KIAA0825: variants seen among roughly 807,000 people sequenced by gnomAD.
The protein encoded by KIAA0825 is KIAA0825.
A neutral mutation model predicts 147.6 loss-of-function variants in KIAA0825; 119 were observed. The observed-to-expected ratio is 0.81, with a 90% confidence interval of 0.69 to 0.94. The LOEUF is 0.94. KIAA0825 is among the 40% of genes least tolerant of loss of function. The pLI is 0.00. For synonymous variants in KIAA0825, 470 were observed against 518.1 expected, an observed-to-expected ratio of 0.91 and a Z score of 1.26; for missense variants, 1,381 against 1,472.7, an observed-to-expected ratio of 0.94 and a Z score of 1.02.
chr5:94,536,096 G>C (rs544079678), intron 3 of KIAA0825, among the ~76,000 whole-genome samples: 1 of 152,264 alleles, frequency 6.6e-6, no homozygotes, highest in Non-Finnish European at 1.5e-5. Context: ...CCTTCATGGA[G>C]AGGATTTCTG....
At chr5:94,322,791 A>G (rs1267756076) in intron 20 of KIAA0825, among the ~76,000 whole-genome samples, 3 of 151,878 alleles carry the variant, frequency 2.0e-5, no homozygotes, top group Non-Finnish European at 4.4e-5. Context: ...CATTTTCAAG[A>G]TACCTTGCAC....
chr5:94,323,117 GTATAA>G (rs1435609697), intron 20 of KIAA0825, among the ~76,000 whole-genome samples: 27 of 151,752 alleles, frequency 1.8e-4, no homozygotes, highest in African/African-American at 6.0e-4. Flanking sequence ...CGTTGTGTGC[GTATAA>G]TATATGAGTC....
chr5:94,570,658 A>G (rs1779794925), intron 2 of KIAA0825: 1 of 152,208 alleles, frequency 6.6e-6, no homozygotes, highest in African/African-American at 2.4e-5. Flanking sequence ...CCTCAATCGA[A>G]AATAAAATAC....
At chr5:94,376,576 G>C (rs1334156977) in intron 20 of KIAA0825, among the ~76,000 whole-genome samples, 12 of 152,110 alleles carry the variant, frequency 7.9e-5, no homozygotes, top group Admixed American at 6.5e-4. Context: ...TCAAATTTAT[G>C]CATTTTAAAT....
chr5:94,196,661 T>C (rs1016278572), intron 20 of KIAA0825, among the ~76,000 whole-genome samples: 4 of 152,200 alleles, frequency 2.6e-5, no homozygotes, highest in Admixed American at 2.6e-4. Flanking sequence ...ATTGTTCCCA[T>C]CTTTGTTTCC....
chr5:94,369,190 GA>G (rs977835409), intron 20 of KIAA0825, among the ~76,000 whole-genome samples: 11 of 151,822 alleles, frequency 7.2e-5, no homozygotes, highest in South Asian at 4.2e-4. Flanking sequence ...TTATTAAGGG[GA>G]AAAAAATCCA....
chr5:94,501,339 T>C (rs1414134113), intron 5 of KIAA0825, among the ~76,000 whole-genome samples: 1 of 152,232 alleles, frequency 6.6e-6, no homozygotes, highest in Non-Finnish European at 1.5e-5. Context: ...CCAGATACTA[T>C]GTGTAATAGC....
chr5:94,184,231 G>A (rs769834610), intron 20 of KIAA0825, among the ~76,000 whole-genome samples: 1 of 152,116 alleles, frequency 6.6e-6, no homozygotes, highest in Non-Finnish European at 1.5e-5. Context: ...AGGAAGTGAG[G>A]TAGCATGGAA....
intron 14 of KIAA0825, among the ~76,000 whole-genome samples, chr5:94,427,622 G>T (rs1755062542): frequency 6.6e-6 from 1 of 152,114 alleles, no homozygotes; most frequent in African/African-American, 2.4e-5. Flanking sequence ...TTTCCACCTT[G>T]CCCTCAGCAA....
At chr5:94,211,900 A>G (rs538732344) in intron 20 of KIAA0825, among the ~76,000 whole-genome samples, 15 of 152,304 alleles carry the variant, frequency 9.8e-5, no homozygotes, top group Admixed American at 9.8e-4. Context: ...ACATGAATAC[A>G]AATTGATGCC....
At chr5:94,449,196 T>G (rs1758090898) in intron 13 of KIAA0825, among the ~76,000 whole-genome samples, 3 of 152,074 alleles carry the variant, frequency 2.0e-5, no homozygotes, top group African/African-American at 7.2e-5. Context: ...TAAAGACACA[T>G]GAGGAGACTG....
At chr5:94,333,432 G>GT (rs35532401) in intron 20 of KIAA0825, among the ~76,000 whole-genome samples, 20,978 of 151,988 alleles carry the variant, frequency 0.14, 1,627 homozygotes, top group African/African-American at 0.2. Context: ...TTCAGTATCG[G>GT]TTTTTTTGCA....
chr5:94,335,740 A>T (rs1781731325), intron 20 of KIAA0825, among the ~76,000 whole-genome samples: 1 of 152,142 alleles, frequency 6.6e-6, no homozygotes. Flanking sequence ...CATATTGATT[A>T]TGATGAAAAT....
chr5:94,614,980 C>T (rs899412631), intron 1 of KIAA0825, among the ~76,000 whole-genome samples: 3 of 151,742 alleles, frequency 2.0e-5, no homozygotes, highest in Admixed American at 6.6e-5. Flanking sequence ...ACCCACTTAA[C>T]GCTCACAGCA....
At chr5:94,455,202 A>G (rs989192397) in intron 12 of KIAA0825, among the ~76,000 whole-genome samples, 3 of 152,106 alleles carry the variant, frequency 2.0e-5, no homozygotes, top group African/African-American at 4.8e-5. Context: ...CCCCGCCAAA[A>G]AAAAGGAACG....
rs1001828629 is a variant in KIAA0825, at chr5:94,594,539, T to C, written c.-152-11956A>G. On this transcript the variant is annotated intron_variant, in intron 1 of 20. Coordinates refer to ENST00000682413, the MANE Select transcript of KIAA0825 (RefSeq NM_001145678.3). ...TACCAGAAATGCCCTGGGAATCAAA[T>C]ACTGAAATAGTTGGATCAAGGCTGC... The C allele has an allele frequency of 6.7e-6, 5 of 745,030 alleles. No homozygotes were observed. The African/African-American group carries it at 6.9e-5, about 10-fold the overall frequency. 46.2% of individuals were successfully genotyped at this position (745,030 alleles called of 1,614,324 possible).
intron 20 of KIAA0825, among the ~76,000 whole-genome samples, chr5:94,185,586 T>C (rs1273672098): frequency 6.6e-6 from 1 of 152,204 alleles, no homozygotes; most frequent in Non-Finnish European, 1.5e-5. Context: ...CCCTGCACTC[T>C]GGTCTTATTT....
chr5:94,385,318 A>G lies in KIAA0825; in HGVS notation c.3620-860T>C, dbSNP rs528095308. Reference sequence around the variant, plus strand: ...CCTGTCACCTGCTGATTAATAGAGCACTACAATCCTGTCATAGAGCAGGAG... The same window carrying G: ...CCTGTCACCTGCTGATTAATAGAGCGCTACAATCCTGTCATAGAGCAGGAG... On this transcript the variant is annotated intron_variant, in intron 19 of 20. Transcript: ENST00000682413. 5.3e-5 allele frequency among the ~76,000 whole-genome samples: 8 copies of G among 152,336 alleles called. No individual in the cohort carries two copies. In the East Asian group the frequency reaches 1.5e-3, roughly 29 times the overall value.
intron 7 of KIAA0825, 59 bp downstream of exon 7, chr5:94,477,052 C>T: frequency 8.5e-7 from 1 of 1,170,692 alleles, no homozygotes; most frequent in South Asian, 1.4e-5. Context: ...ATAATGGATT[C>T]ACAGGCATAT....
Sources: allele counts gnomAD v4.1 joint callset (sites outside exome capture counted in the v4.1 genomes callset), GRCh38; gene constraint gnomAD v4.1.1; transcripts MANE v1.5; gene names NCBI Gene and HGNC (gene_info 2026-07-23, HGNC 2026-07-21).